Variants in SPATA17 observed in about 807,000 individuals in gnomAD.
SPATA17 encodes spermatogenesis associated 17.
Under a neutral mutation model 62.2 loss-of-function variants are expected in SPATA17, and 53 were observed. That is an observed-to-expected ratio of 0.85 (90% CI 0.68 to 1.07). SPATA17 has a LOEUF of 1.07. Ranked by LOEUF, SPATA17 falls within the 50% of genes least tolerant of loss-of-function variation. The pLI, the probability that SPATA17 is intolerant of heterozygous loss-of-function variation, is 0.00. For synonymous variants in SPATA17, 146 were observed against 146.8 expected (o/e 0.99, Z 0.04); for missense variants, 466 against 425.5 (o/e 1.10, Z -0.84).
intron 6 of SPATA17, among the ~76,000 whole-genome samples, chr1:217,772,118 T>C (rs1182308510): frequency 6.8e-6 from 1 of 147,300 alleles, no homozygotes; most frequent in Non-Finnish European, 1.5e-5. Context: ...ATATAACATT[T>C]ATTTTTTTCT....
chr1:217,719,487 T>C (rs1462782981), intron 5 of SPATA17, among the ~76,000 whole-genome samples: 2 of 152,132 alleles, frequency 1.3e-5, no homozygotes, highest in Non-Finnish European at 2.9e-5. Flanking sequence ...TTAAATACAG[T>C]AACAGATGCA....
chr1:217,846,366 G>A (rs1675527899), intron 9 of SPATA17, among the ~76,000 whole-genome samples: 1 of 152,106 alleles, frequency 6.6e-6, no homozygotes, highest in South Asian at 2.1e-4. Flanking sequence ...TCATGATAAA[G>A]TAGAGTTTCA....
intron 3 of SPATA17, among the ~76,000 whole-genome samples, chr1:217,652,040 T>C (rs1670327447): frequency 6.6e-6 from 1 of 152,192 alleles, no homozygotes; most frequent in African/African-American, 2.4e-5. Flanking sequence ...CTCTGCCTAA[T>C]CTCCATAAGG....
intron 5 of SPATA17, among the ~76,000 whole-genome samples, chr1:217,687,195 C>T (rs771143291): frequency 2.6e-5 from 4 of 152,046 alleles, no homozygotes; most frequent in African/African-American, 4.8e-5. Context: ...GTCTACGATT[C>T]GTTTCCATGT....
At chr1:217,676,401 A>G (rs1012901268) in intron 4 of SPATA17, among the ~76,000 whole-genome samples, 4 of 152,188 alleles carry the variant, frequency 2.6e-5, no homozygotes, top group Admixed American at 2.6e-4. Context: ...AGTTTCATTT[A>G]TACCTCTACC....
chr1:217,860,669 A>C (rs1675880860), intron 9 of SPATA17, among the ~76,000 whole-genome samples: 1 of 152,104 alleles, frequency 6.6e-6, no homozygotes, highest in African/African-American at 2.4e-5. Context: ...CTCCAGCTAT[A>C]TTTTGACTAG....
intron 9 of SPATA17, among the ~76,000 whole-genome samples, chr1:217,819,858 C>T (rs1674816604): frequency 6.6e-6 from 1 of 151,988 alleles, no homozygotes; most frequent in Non-Finnish European, 1.5e-5. Flanking sequence ...GCTAAAACTC[C>T]TTGAAGGTCA....
intron 5 of SPATA17, among the ~76,000 whole-genome samples, chr1:217,718,886 G>A (rs940916898): frequency 6.6e-6 from 1 of 152,070 alleles, no homozygotes; most frequent in South Asian, 2.1e-4. Context: ...CAAAAAAACA[G>A]CAACAGAGCT....
intron 1 of SPATA17, among the ~76,000 whole-genome samples, chr1:217,642,280 T>G (rs1483574161): frequency 6.6e-6 from 1 of 152,212 alleles, no homozygotes; most frequent in Non-Finnish European, 1.5e-5. Flanking sequence ...AAACTATGTA[T>G]GTATCCTATT....
chr1:217,668,583 C>T (rs1670760184), intron 3 of SPATA17, among the ~76,000 whole-genome samples: 1 of 152,144 alleles, frequency 6.6e-6, no homozygotes, highest in Non-Finnish European at 1.5e-5. Context: ...TATCCTTGAA[C>T]GATTTCAACT....
At chr1:217,659,832 T>C (rs1208854302) in intron 3 of SPATA17, among the ~76,000 whole-genome samples, 1 of 152,160 alleles carries the variant, frequency 6.6e-6, no homozygotes, top group African/African-American at 2.4e-5. Flanking sequence ...GGTCATCAAA[T>C]CATTTTTACT....
intron 7 of SPATA17, among the ~76,000 whole-genome samples, chr1:217,778,703 G>T (rs1247774588): frequency 1.5e-4 from 23 of 152,114 alleles, no homozygotes; most frequent in Admixed American, 1.5e-3. Flanking sequence ...AAGGTCATCT[G>T]AACCAAACTA....
intron 1 of SPATA17, among the ~76,000 whole-genome samples, chr1:217,646,917 A>G (rs1161772316): frequency 6.6e-6 from 1 of 151,982 alleles, no homozygotes; most frequent in African/African-American, 2.4e-5. Context: ...CAAACCAACA[A>G]ACAAACAAAA....
chr1:217,810,624 AAAAG>A (rs376082765), intron 9 of SPATA17, among the ~76,000 whole-genome samples: 4 of 152,148 alleles, frequency 2.6e-5, no homozygotes, highest in South Asian at 2.1e-4. Flanking sequence ...TCTCAAAAAA[AAAAG>A]AAAGAAAGAG....
intron 5 of SPATA17, among the ~76,000 whole-genome samples, chr1:217,715,982 C>T (rs1206485239): frequency 1.3e-5 from 2 of 152,214 alleles, no homozygotes; most frequent in South Asian, 2.1e-4. Context: ...TATGAATATG[C>T]GTCGAGTTTC....
At chr1:217,728,470 C>T (rs547072415) in intron 5 of SPATA17, among the ~76,000 whole-genome samples, 14 of 152,196 alleles carry the variant, frequency 9.2e-5, no homozygotes, top group Admixed American at 7.2e-4. Flanking sequence ...GCTATTTCAT[C>T]GTTGATTGTT....
At chr1:217,661,654 A>C (rs1490042671) in intron 3 of SPATA17, among the ~76,000 whole-genome samples, 1 of 152,040 alleles carries the variant, frequency 6.6e-6, no homozygotes, top group East Asian at 1.9e-4. Context: ...TCATACTGCT[A>C]TATCTAGCAA....
At chr1:217,703,174 C>CTTTTTTTTTTTTTTT (rs1203063860) in intron 5 of SPATA17, among the ~76,000 whole-genome samples, 10,109 of 103,960 alleles carry the variant, frequency 0.097, 942 homozygotes, top group African/African-American at 0.12. Flanking sequence ...TGCGCTCGGC[C>CTTTTTTTTTTTTTTT]TTTTTTTTTT....
At chr1:217,667,541 A>T (rs1670726971) in intron 3 of SPATA17, among the ~76,000 whole-genome samples, 1 of 152,162 alleles carries the variant, frequency 6.6e-6, no homozygotes. Flanking sequence ...CAAGACTGAG[A>T]GACTTTCAGT....
Sources: allele counts gnomAD v4.1 joint callset (sites outside exome capture counted in the v4.1 genomes callset), GRCh38; gene constraint gnomAD v4.1.1; transcripts MANE v1.5; gene names NCBI Gene and HGNC (gene_info 2026-07-23, HGNC 2026-07-21).